Variants in GALNT18 observed in about 807,000 individuals in gnomAD.
The protein encoded by GALNT18 is GalNAc-transferase 18.
Under a neutral mutation model 69.5 loss-of-function variants are expected in GALNT18, and 44 were observed. That is an observed-to-expected ratio of 0.63 (90% confidence interval 0.50 to 0.81). GALNT18 has a LOEUF of 0.81. Among genes scored for constraint, GALNT18 ranks in the 40% least tolerant of loss-of-function variants. The pLI, the probability that GALNT18 is intolerant of heterozygous loss-of-function variation, is 0.00. For synonymous variants in GALNT18, 364 were observed against 318.2 expected (o/e 1.14, Z -1.53); for missense variants, 715 against 810.0 (o/e 0.88, Z 1.42).
At position 11,283,212 on chromosome 11, in the gene GALNT18, T is replaced by G. The variant is rs113828887; in HGVS notation, c.1677+9817A>C. Reference sequence around the variant, plus strand: ...CTCTGTCACACAGGCTGGAGTGCAGTAGCAGGATCTCGGCTCAATGCAATC... The same window carrying G: ...CTCTGTCACACAGGCTGGAGTGCAGGAGCAGGATCTCGGCTCAATGCAATC... On this transcript the variant is annotated intron_variant, in intron 10 of 10. Transcript: ENST00000227756. Among the ~76,000 whole-genome samples, 661 of 152,232 alleles carry G rather than the reference T, an allele frequency of 4.3e-3. 11 individuals carry two copies. The highest frequency in any genetic ancestry group is 0.012 in the African/African-American group (507 of 41,520).
intron 9 of GALNT18, among the ~76,000 whole-genome samples, chr11:11,324,941 G>T (rs1415382612): frequency 6.6e-6 from 1 of 152,204 alleles, no homozygotes; most frequent in Non-Finnish European, 1.5e-5. Flanking sequence ...ATGGAAAACA[G>T]TATGGATATT....
At chr11:11,455,956 G>A (rs1855915951) in intron 1 of GALNT18, among the ~76,000 whole-genome samples, 1 of 152,166 alleles carries the variant, frequency 6.6e-6, no homozygotes, top group Non-Finnish European at 1.5e-5. Context: ...AAGCATGGTG[G>A]TGTACATCTG....
At chr11:11,326,271 C>T (rs1849916312) in intron 9 of GALNT18, among the ~76,000 whole-genome samples, 1 of 152,094 alleles carries the variant, frequency 6.6e-6, no homozygotes, top group Non-Finnish European at 1.5e-5. Context: ...GTCTCGATCT[C>T]CTGAACTCGT....
chr11:11,391,956 T>G (rs1854202228), intron 3 of GALNT18, among the ~76,000 whole-genome samples: 1 of 152,172 alleles, frequency 6.6e-6, no homozygotes, highest in Non-Finnish European at 1.5e-5. Flanking sequence ...AGGCGTGTGT[T>G]TCGTTTTCAT....
Position 11,587,871 on chromosome 11 carries a change from C to T in GALNT18, c.235+33488G>A, listed in dbSNP as rs934329914. On this transcript the variant is annotated intron_variant, in intron 1 of 10. Transcript: ENST00000227756. This position sits in a 1 kb window ranked among gnomAD's most constrained non-coding sequence, Gnocchi z 4.4. ...TAATAAGAACACAAAATATAGAAATCCGAAAGGAAAGAGAGAGGCAGGGGG... is the reference window on the plus strand; with the variant it reads ...TAATAAGAACACAAAATATAGAAATTCGAAAGGAAAGAGAGAGGCAGGGGG... 1.3e-5 allele frequency among the ~76,000 whole-genome samples: 2 copies of T among 151,838 alleles called. No homozygotes were observed. Among genetic ancestry groups the T allele is most frequent in the Non-Finnish European group, 2.9e-5 (2 of 67,956 alleles).
At chr11:11,486,639 C>T (rs1307300016) in intron 1 of GALNT18, among the ~76,000 whole-genome samples, 3 of 152,248 alleles carry the variant, frequency 2.0e-5, no homozygotes, top group Non-Finnish European at 4.4e-5. Flanking sequence ...CCACTCCCTC[C>T]ATGAAGATAT....
rs776231748 is a variant in GALNT18 at position 11,341,008 on chromosome 11, C to T, written c.1093-4G>A. ...CACTCCCGCCACACTGCCACACCTG[C>T]AGAAGACATGGAGCCACTTGTCAGA... On this transcript the variant is annotated splice_polypyrimidine_tract_variant and splice_region_variant and intron_variant, in intron 6 of 10. Coordinates refer to ENST00000227756, the MANE Select transcript of GALNT18 (RefSeq NM_198516.3). This position sits in a 1 kb window ranked among gnomAD's most constrained non-coding sequence, Gnocchi z 6.3. 1 of 1,591,854 alleles carries T rather than the reference C, an allele frequency of 6.3e-7. No homozygotes were observed. Among genetic ancestry groups the T allele is most frequent in the Admixed American group, 1.7e-5 (1 of 57,870 alleles).
chr11:11,589,295 A>G (rs559596034), intron 1 of GALNT18, among the ~76,000 whole-genome samples: 1 of 152,340 alleles, frequency 6.6e-6, no homozygotes, highest in South Asian at 2.1e-4. Context: ...CACATTTATG[A>G]AACCAACAGA....
At chr11:11,384,231 G>A (rs182044292) in intron 3 of GALNT18, among the ~76,000 whole-genome samples, 1 of 152,284 alleles carries the variant, frequency 6.6e-6, no homozygotes, top group East Asian at 1.9e-4. Context: ...GCCTCTGGGA[G>A]ATTAATTAGG....
At chr11:11,419,073 C>T (rs771198115) in intron 3 of GALNT18, among the ~76,000 whole-genome samples, 12 of 152,084 alleles carry the variant, frequency 7.9e-5, no homozygotes, top group Admixed American at 2.6e-4. Flanking sequence ...TGGGCACCGG[C>T]GATGGAAAAC....
chr11:11,420,569 T>G (rs1854981913), intron 3 of GALNT18, among the ~76,000 whole-genome samples: 1 of 152,116 alleles, frequency 6.6e-6, no homozygotes, highest in East Asian at 1.9e-4. Flanking sequence ...ATTTGTTGAG[T>G]TTTTAACTGT....
At chr11:11,522,869 C>T (rs11021894) in intron 1 of GALNT18, among the ~76,000 whole-genome samples, 33,072 of 152,064 alleles carry the variant, frequency 0.22, 4,237 homozygotes, top group Non-Finnish European at 0.27. Context: ...GTTAGACTAG[C>T]TTCCTATTCA....
intron 1 of GALNT18, among the ~76,000 whole-genome samples, chr11:11,575,062 A>G (rs79906810): frequency 6.6e-6 from 1 of 152,198 alleles, no homozygotes; most frequent in East Asian, 1.9e-4. Context: ...TAAATCCAAC[A>G]TTTAAGAGAG....
intron 1 of GALNT18, among the ~76,000 whole-genome samples, chr11:11,512,572 G>C (rs1281675312): frequency 6.6e-6 from 1 of 152,180 alleles, no homozygotes; most frequent in Non-Finnish European, 1.5e-5. Flanking sequence ...GTTTCTTTCT[G>C]AGCCCAGTGC....
intron 3 of GALNT18, among the ~76,000 whole-genome samples, chr11:11,431,562 T>C (rs1312246238): frequency 6.6e-6 from 1 of 152,162 alleles, no homozygotes; most frequent in African/African-American, 2.4e-5. Flanking sequence ...TTCAGAAATT[T>C]CTAAAATCCC....
chr11:11,590,246 G>T lies in GALNT18; in HGVS notation c.235+31113C>A, dbSNP rs1859322894. Among the ~76,000 whole-genome samples, 1 of 152,168 alleles carries T rather than the reference G, an allele frequency of 6.6e-6. No individual in the cohort carries two copies. Among genetic ancestry groups the T allele is most frequent in the Non-Finnish European group, 1.5e-5 (1 of 68,038 alleles). ...AATTAGGTGCTCCATGCGAGTCCTGGCTCATGGGCACCTCCATGCTCTTTC... is the reference window on the plus strand; with the variant it reads ...AATTAGGTGCTCCATGCGAGTCCTGTCTCATGGGCACCTCCATGCTCTTTC... On this transcript the variant is annotated intron_variant, in intron 1 of 10. Coordinates refer to ENST00000227756, the MANE Select transcript of GALNT18 (RefSeq NM_198516.3). This position sits in a 1 kb window ranked among gnomAD's most constrained non-coding sequence, Gnocchi z 4.4.
chr11:11,327,293 A>G (rs1849940215), intron 8 of GALNT18, 112 bp from the exon 9 acceptor site: 1 of 803,694 alleles, frequency 1.2e-6, no homozygotes, highest in Non-Finnish European at 2.1e-6. Flanking sequence ...GTCCATAATC[A>G]GCCCAAGGCC....
intron 3 of GALNT18, among the ~76,000 whole-genome samples, chr11:11,428,974 A>G (rs4910343): frequency 0.096 from 14,635 of 152,048 alleles, 755 homozygotes; most frequent in African/African-American, 0.12. Flanking sequence ...TTTAATTTTT[A>G]TTTTTGGAAA....
At chr11:11,557,775 C>A (rs1284548219) in intron 1 of GALNT18, among the ~76,000 whole-genome samples, 1 of 152,174 alleles carries the variant, frequency 6.6e-6, no homozygotes, top group African/African-American at 2.4e-5. Context: ...TGACTCTGAG[C>A]AAGGTACTCT....
Sources: allele counts gnomAD v4.1 joint callset (sites outside exome capture counted in the v4.1 genomes callset), GRCh38; gene constraint gnomAD v4.1.1; non-coding constraint Gnocchi (gnomAD v3.1); transcripts MANE v1.5; gene names NCBI Gene and HGNC (gene_info 2026-07-23, HGNC 2026-07-21).